The following APP variants were observed in gnomAD, a reference collection of about 807,000 sequenced individuals.
The protein encoded by APP is amyloid beta precursor protein, also known as amyloid-beta precursor protein.
Under a neutral mutation model 101.4 loss-of-function variants are expected in APP, and 31 were observed. The observed-to-expected ratio is 0.31, with a 90% confidence interval of 0.23 to 0.41. APP has a LOEUF of 0.41. Among genes scored for constraint, APP ranks in the 10% least tolerant of loss-of-function variants. The pLI, the probability that APP is intolerant of heterozygous loss-of-function variation, is 1.00. For missense variants in APP, 839 were observed against 1,003.7 expected (o/e 0.84, Z 2.22); for synonymous variants, 366 against 364.4 (o/e 1.00, Z -0.05).
At chr21:25,970,410 T>C (rs930197024) in intron 11 of APP, among the ~76,000 whole-genome samples, 2 of 152,178 alleles carry the variant, frequency 1.3e-5, no homozygotes, top group African/African-American at 4.8e-5. Context: ...GATTGGACTT[T>C]CAGCTGGAAC....
chr21:26,059,292 T>C (rs2046171671), intron 3 of APP, among the ~76,000 whole-genome samples: 1 of 152,154 alleles, frequency 6.6e-6, no homozygotes, highest in Admixed American at 6.5e-5. Flanking sequence ...ATCATGGGAA[T>C]GAAAGGCCAA....
chr21:25,997,474 G>A, intron 7 of APP, 58 bp from the exon 8 acceptor site: 1 of 1,451,892 alleles, frequency 6.9e-7, no homozygotes, highest in South Asian at 1.1e-5. Context: ...GGGAATGATG[G>A]CTGAAATGCA....
At chr21:26,038,928 T>C (rs372571896) in intron 5 of APP, among the ~76,000 whole-genome samples, 23 of 152,194 alleles carry the variant, frequency 1.5e-4, no homozygotes, top group African/African-American at 5.1e-4. Flanking sequence ...ATTTTCCCCA[T>C]GTTTGAGGTA....
intron 6 of APP, among the ~76,000 whole-genome samples, chr21:26,010,844 C>CA (rs1216849125): frequency 1.9e-5 from 2 of 104,164 alleles, no homozygotes; most frequent in Non-Finnish European, 4.2e-5. Flanking sequence ...AAAAAAAAAG[C>CA]AAAAAACAAC....
intron 11 of APP, among the ~76,000 whole-genome samples, chr21:25,970,882 T>C (rs926983142): frequency 6.6e-6 from 1 of 152,056 alleles, no homozygotes; most frequent in Non-Finnish European, 1.5e-5. Flanking sequence ...ACTTTATCCA[T>C]AGAAAGAAAA....
rs778848481 is a variant in APP at position 26,051,191 on chromosome 21, T to C, written c.471A>G (p.Thr157=). 10 of 1,613,276 alleles carry C rather than the reference T, an allele frequency of 6.2e-6. No homozygotes were observed. Among genetic ancestry groups the C allele is most frequent in the Admixed American group, 5.0e-5 (3 of 59,926 alleles). Residue 157 remains threonine (T), a splice_region_variant and synonymous_variant, in exon 5 of 18, where the codon ACA becomes ACG. Transcript: ENST00000346798. ...GCAAGTTGGTACTCTTCTCACTGCA[T>C]GTCTACAAAGTGTAAGGAGAAAACA... ...HLHWHTVAKE[T]CSEKSTNLHD...
At chr21:25,916,063 G>A (rs1035543795) in intron 13 of APP, among the ~76,000 whole-genome samples, 1 of 151,964 alleles carries the variant, frequency 6.6e-6, no homozygotes, top group African/African-American at 2.4e-5. Flanking sequence ...ACCACCCCTG[G>A]CTATGTCATT....
rs1446469823 is a variant in APP at position 25,903,792 on chromosome 21, C to T, written c.1963+1232G>A. ...TCTGACTCACTATAATTTAAGTTCC[C>T]CTTAAAAGCCTACAGACAGAAATTC... On this transcript the variant is annotated intron_variant, in intron 15 of 17. Coordinates refer to ENST00000346798, the MANE Select transcript of APP (RefSeq NM_000484.4). Among the ~76,000 whole-genome samples the T allele has an allele frequency of 6.6e-5, 10 of 152,154 alleles. 1 individual carries two copies. The highest frequency in any genetic ancestry group is 5.9e-4 in the Admixed American group (9 of 15,284).
intron 6 of APP, among the ~76,000 whole-genome samples, chr21:26,009,299 T>C (rs57734458): frequency 0.019 from 2,886 of 152,296 alleles, 91 homozygotes; most frequent in African/African-American, 0.066. Context: ...TTTGAACAGA[T>C]TGAACAGATT....
At chr21:25,962,773 T>C (rs9305267) in intron 11 of APP, among the ~76,000 whole-genome samples, 1,611 of 152,292 alleles carry the variant, frequency 0.011, 26 homozygotes, top group African/African-American at 0.037. Context: ...TTGATGTAGG[T>C]AATATTGAAG....
chr21:26,045,866 T>G (rs1338053317), intron 5 of APP, among the ~76,000 whole-genome samples: 1 of 152,170 alleles, frequency 6.6e-6, no homozygotes, highest in Non-Finnish European at 1.5e-5. Context: ...AAGGCATACC[T>G]GAGACTGGGT....
intron 5 of APP, among the ~76,000 whole-genome samples, chr21:26,041,696 C>CT (rs1568897829): frequency 6.6e-6 from 1 of 152,006 alleles, no homozygotes; most frequent in Non-Finnish European, 1.5e-5. Context: ...GGCATCTCCT[C>CT]TTCCAGCCAT....
intron 1 of APP, among the ~76,000 whole-genome samples, chr21:26,157,280 G>C (rs2063395838): frequency 6.6e-6 from 1 of 152,118 alleles, no homozygotes. Flanking sequence ...ATGTTGGCCA[G>C]GCTGGCCTTG....
At chr21:25,895,959 C>T (rs910611563) in intron 16 of APP, among the ~76,000 whole-genome samples, 3 of 152,102 alleles carry the variant, frequency 2.0e-5, no homozygotes, top group East Asian at 1.9e-4. Context: ...TAATTGCTGC[C>T]GCTGCCATTA....
intron 1 of APP, among the ~76,000 whole-genome samples, chr21:26,134,961 A>G (rs929335748): frequency 6.6e-6 from 1 of 152,234 alleles, no homozygotes. Context: ...AGGTATCCAC[A>G]TAAGGTTAAA....
intron 2 of APP, among the ~76,000 whole-genome samples, chr21:26,097,301 G>T (rs1430555423): frequency 6.6e-6 from 1 of 152,110 alleles, no homozygotes; most frequent in Non-Finnish European, 1.5e-5. Flanking sequence ...AATCCTTGAA[G>T]GCAGGGACAA....
intron 13 of APP, among the ~76,000 whole-genome samples, chr21:25,940,289 C>A (rs896879814): frequency 6.6e-6 from 1 of 152,026 alleles, no homozygotes; most frequent in Non-Finnish European, 1.5e-5. Flanking sequence ...AGGTGACAAG[C>A]AGAAGTGCCC....
chr21:25,880,767 T>TCA lies in APP; in HGVS notation c.*902_*903insTG, dbSNP rs2036935125. On this transcript the variant is annotated 3_prime_UTR_variant, in exon 18 of 18. Transcript: ENST00000346798. ...ACCCAAAATTACTTCGATTATTTAA[T>TCA]GTCTGTAGTCATCCTTCAAAGAAAA... is the stretch of plus-strand genomic sequence containing the variant. 6.6e-6 allele frequency: 1 copy of TCA among 152,318 alleles called. No individual in the cohort carries two copies. Among genetic ancestry groups the TCA allele is most frequent in the Non-Finnish European group, 1.5e-5 (1 of 68,048 alleles). 9.4% of individuals were successfully genotyped at this position (152,318 alleles called of 1,614,324 possible). A position where few individuals can be genotyped will look rare whatever the true frequency, so the allele number is the denominator to read the frequency against.
chr21:26,021,711 A>C (rs2044344998), intron 6 of APP, 129 bp downstream of exon 6: 1 of 1,336,412 alleles, frequency 7.5e-7, no homozygotes, highest in Non-Finnish European at 1.0e-6. Context: ...CAAGCATAAG[A>C]AGCCTTTTGG....
Sources: allele counts gnomAD v4.1 joint callset (sites outside exome capture counted in the v4.1 genomes callset), GRCh38; gene constraint gnomAD v4.1.1; transcripts MANE v1.5; gene names NCBI Gene and HGNC (gene_info 2026-07-23, HGNC 2026-07-21).